Variants in KATNA1 observed in about 807,000 individuals in gnomAD.
KATNA1 encodes the protein katanin catalytic subunit A1.
A neutral mutation model predicts 62.6 loss-of-function variants in KATNA1; 42 were observed. That is an observed-to-expected ratio of 0.67 (90% CI 0.52 to 0.87). The LOEUF (loss-of-function observed/expected upper bound fraction) is 0.87. KATNA1 is among the 40% of genes least tolerant of loss of function. KATNA1 has a pLI of 0.00. For synonymous variants in KATNA1, 186 were observed against 201.9 expected (o/e 0.92, Z 0.67); for missense variants, 498 against 612.5 (o/e 0.81, Z 1.97).
intron 4 of KATNA1, among the ~76,000 whole-genome samples, chr6:149,612,768 G>A (rs1399751199): frequency 6.6e-6 from 1 of 152,010 alleles, no homozygotes; most frequent in Non-Finnish European, 1.5e-5. Context: ...ATGACCAAGT[G>A]AGAATTATTC....
At chr6:149,600,322 G>A (rs966955779) in intron 7 of KATNA1, among the ~76,000 whole-genome samples, 53 of 151,228 alleles carry the variant, frequency 3.5e-4, no homozygotes, top group Non-Finnish European at 2.5e-4. Flanking sequence ...AACGTAGTGA[G>A]ACTTCATCTC....
At chr6:149,629,754 A>T (rs1779761496) in intron 3 of KATNA1, among the ~76,000 whole-genome samples, 1 of 152,174 alleles carries the variant, frequency 6.6e-6, no homozygotes, top group Non-Finnish European at 1.5e-5. Flanking sequence ...AGCATGGTTA[A>T]CTATATATAG....
intron 1 of KATNA1, among the ~76,000 whole-genome samples, chr6:149,646,370 CAAAAAGA>C (rs1289279792): frequency 2.6e-5 from 4 of 152,062 alleles, no homozygotes; most frequent in Admixed American, 2.6e-4. Flanking sequence ...CCTCCTAAAA[CAAAAAGA>C]TCACGAAGCC....
chr6:149,626,009 C>T (rs1187800860), intron 3 of KATNA1, among the ~76,000 whole-genome samples: 1 of 151,356 alleles, frequency 6.6e-6, no homozygotes, highest in Non-Finnish European at 1.5e-5. Flanking sequence ...ACCAAACTAA[C>T]GTGTATGTGA....
chr6:149,644,221 G>A (rs964885786), intron 1 of KATNA1, among the ~76,000 whole-genome samples: 1 of 152,106 alleles, frequency 6.6e-6, no homozygotes, highest in East Asian at 1.9e-4. Flanking sequence ...TGTTCTAGAT[G>A]AGCTTGGATG....
chr6:149,597,517 A>C lies in KATNA1; in HGVS notation c.1140T>G (p.Pro380=), dbSNP rs1215179593. ...TTGAAAGGAAGATACCTGACGGCAA[A>C]GGAATATAGATTCGTTTCTCAAGGC... is the stretch of plus-strand genomic sequence containing the variant. ...RRRLEKRIYI[P]LPSAKGREEL... is the part of the protein sequence containing the mutation. The change falls in exon 9 of 11, where the codon CCT becomes CCG. Residue 380 remains proline, a synonymous_variant. Transcript: ENST00000367411. 1.9e-6 allele frequency: 3 copies of C among 1,613,966 alleles called. No individual in the cohort carries two copies. In the Admixed American group the frequency reaches 5.0e-5, roughly 27 times the overall value.
intron 4 of KATNA1, among the ~76,000 whole-genome samples, chr6:149,622,028 G>GT (rs1038629510): frequency 1.5e-3 from 230 of 152,240 alleles, no homozygotes; most frequent in African/African-American, 5.3e-3. Flanking sequence ...ATCTCTATAT[G>GT]ACATTATTGG....
rs535459532 is a variant in KATNA1, at chr6:149,605,031, A to G, written c.502-249T>C. ...CTACTAAAAATACAAAAAATTAGCC[A>G]GGCATGGTGGCGGCACCTGTAGTCC... On this transcript the variant is annotated intron_variant, in intron 4 of 10. Transcript: ENST00000367411. 3.3e-5 allele frequency among the ~76,000 whole-genome samples: 5 copies of G among 152,166 alleles called. No homozygotes were observed. In the East Asian group the frequency reaches 9.6e-4, roughly 29 times the overall value.
upstream of KATNA1, chr6:149,648,869 T>C (rs1224409012): frequency 1.3e-5 from 2 of 152,174 alleles, no homozygotes; most frequent in Non-Finnish European, 2.9e-5. Context: ...TTGGTGTAGA[T>C]GGTATTATGG....
chr6:149,612,518 T>G (rs77877155), intron 4 of KATNA1, among the ~76,000 whole-genome samples: 2,476 of 151,982 alleles, frequency 0.016, 62 homozygotes, highest in African/African-American at 0.057. Context: ...CAAAAAAAAT[T>G]TTTAAAAAAG....
At chr6:149,630,489 C>T (rs942090292) in intron 3 of KATNA1, among the ~76,000 whole-genome samples, 5 of 152,070 alleles carry the variant, frequency 3.3e-5, no homozygotes, top group African/African-American at 4.8e-5. Context: ...ATTAGCCGGG[C>T]GTGGTGGCAC....
chr6:149,639,401 C>T (rs931163789), intron 1 of KATNA1, among the ~76,000 whole-genome samples: 3 of 151,804 alleles, frequency 2.0e-5, no homozygotes, highest in East Asian at 2.0e-4. Flanking sequence ...GAGATCAAGA[C>T]CATCCTGGCC....
chr6:149,606,424 A>AT (rs1314412750), intron 4 of KATNA1, among the ~76,000 whole-genome samples: 14 of 151,794 alleles, frequency 9.2e-5, no homozygotes, highest in Non-Finnish European at 1.8e-4. Context: ...TTCCCATAAC[A>AT]TTTTTTTTGC....
At chr6:149,609,381 A>G (rs1220647215) in intron 4 of KATNA1, among the ~76,000 whole-genome samples, 1 of 152,150 alleles carries the variant, frequency 6.6e-6, no homozygotes, top group Admixed American at 6.6e-5. Context: ...AAAAAAAAAA[A>G]GTATTTTTTC....
chr6:149,619,507 G>C (rs1316468302), intron 4 of KATNA1, among the ~76,000 whole-genome samples: 1 of 152,098 alleles, frequency 6.6e-6, no homozygotes, highest in Non-Finnish European at 1.5e-5. Flanking sequence ...CAGCTACTCA[G>C]GAGGCTGAGG....
intron 3 of KATNA1, among the ~76,000 whole-genome samples, chr6:149,625,760 C>G (rs1045483418): frequency 6.6e-6 from 1 of 152,038 alleles, no homozygotes; most frequent in African/African-American, 2.4e-5. Context: ...ATGGCGAAAC[C>G]CCGTCTCTAC....
chr6:149,613,239 A>G (rs1302885666), intron 4 of KATNA1, among the ~76,000 whole-genome samples: 1 of 144,490 alleles, frequency 6.9e-6, no homozygotes, highest in Non-Finnish European at 1.5e-5. Flanking sequence ...AAAACACCTC[A>G]CCTACAGCTA....
chr6:149,602,758 G>A (rs1468619506), intron 6 of KATNA1, among the ~76,000 whole-genome samples: 1 of 142,818 alleles, frequency 7.0e-6, no homozygotes, highest in African/African-American at 2.6e-5. Flanking sequence ...TTTCGCTCTT[G>A]TTGCCCAGGC....
At position 149,595,066 on chromosome 6, in the gene KATNA1, C is replaced by T; in HGVS notation, c.1446G>A (p.Glu482=). ...SVSAADIERY[E]KWIFEFGSC ...ATGATCCAAACTCAAATATCCATTT[C>T]TCGTATCTTTCAATGTCTGCAGCAG... Residue 482 remains glutamate, a synonymous_variant, in exon 11 of 11, where the codon GAG becomes GAA. Coordinates refer to ENST00000367411, the MANE Select transcript of KATNA1 (RefSeq NM_007044.4). 1 of 1,613,944 alleles carries T rather than the reference C, an allele frequency of 6.2e-7. No individual in the cohort carries two copies. The highest frequency in any genetic ancestry group is 8.5e-7 in the Non-Finnish European group (1 of 1,179,914).
Sources: allele counts gnomAD v4.1 joint callset (sites outside exome capture counted in the v4.1 genomes callset), GRCh38; gene constraint gnomAD v4.1.1; transcripts MANE v1.5; gene names NCBI Gene and HGNC (gene_info 2026-07-23, HGNC 2026-07-21).